Variants in ST8SIA1 observed in about 807,000 individuals in gnomAD.
The protein encoded by ST8SIA1 is ST8 alpha-N-acetyl-neuraminide alpha-2,8-sialyltransferase 1.
A neutral mutation model predicts 35.9 loss-of-function variants in ST8SIA1; 16 were observed. The observed-to-expected ratio is 0.45, with a 90% confidence interval of 0.30 to 0.68. ST8SIA1 has a LOEUF of 0.68. Among genes scored for constraint, ST8SIA1 ranks in the 30% least tolerant of loss-of-function variants. The pLI is 0.09. For missense variants in ST8SIA1, 383 were observed against 453.6 expected (o/e 0.84, Z 1.41); for synonymous variants, 170 against 169.6 (o/e 1.00, Z -0.02).
chr12:22,291,353 T>C (rs1258312679), intron 1 of ST8SIA1, among the ~76,000 whole-genome samples: 1 of 152,218 alleles, frequency 6.6e-6, no homozygotes, highest in African/African-American at 2.4e-5. Flanking sequence ...CAATGACTGA[T>C]ACTTTTGTGT....
At chr12:22,256,197 G>A (rs920508250) in intron 2 of ST8SIA1, among the ~76,000 whole-genome samples, 3 of 152,204 alleles carry the variant, frequency 2.0e-5, no homozygotes, top group Admixed American at 2.0e-4. Context: ...TCTGTCTAGA[G>A]CTTAGGACCC....
Position 22,194,906 on chromosome 12 carries a change from G to A in ST8SIA1, c.*6646C>T, listed in dbSNP as rs935847767. The stretch of plus-strand genomic sequence containing the variant: ...GCTATGAAAACAGGAGTGTGGGGCT[G>A]GGCTCGGTGGCTTATGCCTGTAATC... On this transcript the variant is annotated 3_prime_UTR_variant, in exon 5 of 5. Coordinates refer to ENST00000396037, the MANE Select transcript of ST8SIA1 (RefSeq NM_003034.4). 19 of 152,260 alleles carry A rather than the reference G, an allele frequency of 1.2e-4. No individual in the cohort carries two copies. The highest frequency in any genetic ancestry group is 2.8e-4 in the Non-Finnish European group (19 of 68,200). 9.4% of individuals were successfully genotyped at this position (152,260 alleles called of 1,614,324 possible).
At chr12:22,247,838 G>A (rs1033213649) in intron 4 of ST8SIA1, among the ~76,000 whole-genome samples, 2 of 151,972 alleles carry the variant, frequency 1.3e-5, no homozygotes, top group Admixed American at 1.3e-4. Context: ...CCATAATATA[G>A]AGTTCCTATA....
chr12:22,201,813 G>A lies in ST8SIA1; in HGVS notation c.810C>T (p.Ala270=). The A allele has an allele frequency of 6.2e-7, 1 of 1,614,138 alleles. No homozygotes were observed. Among genetic ancestry groups the A allele is most frequent in the African/African-American group, 1.3e-5 (1 of 75,058 alleles). Residue 270 remains alanine (A), a synonymous_variant, in exon 5 of 5, where the codon GCC becomes GCT. Coordinates refer to ENST00000396037, the MANE Select transcript of ST8SIA1 (RefSeq NM_003034.4). ...GKFWKSRGIH[A]KRLSTGLFLV... is the part of the protein sequence containing the mutation. ...GAAAAAGTCCTGTGGACAGGCGCTT[G>A]GCATGGATTCCTCTACTTTTCCAGA...
chr12:22,324,473 C>G (rs1290932889), intron 1 of ST8SIA1: 1 of 152,086 alleles, frequency 6.6e-6, no homozygotes, highest in East Asian at 1.9e-4. Flanking sequence ...TCTATCCTAA[C>G]AATGGAAAAT....
intron 4 of ST8SIA1, among the ~76,000 whole-genome samples, chr12:22,212,802 G>C (rs1268706339): frequency 2.0e-5 from 3 of 152,158 alleles, no homozygotes. Flanking sequence ...TAAGACTACA[G>C]TGGGGCCTCA....
chr12:22,242,522 G>T (rs567927682), intron 4 of ST8SIA1, among the ~76,000 whole-genome samples: 4 of 152,204 alleles, frequency 2.6e-5, no homozygotes, highest in African/African-American at 7.2e-5. Context: ...TTTAACCTAT[G>T]CCACAAAAAT....
chr12:22,214,667 C>CAA (rs76262549), intron 4 of ST8SIA1, among the ~76,000 whole-genome samples: 1,821 of 151,364 alleles, frequency 0.012, 24 homozygotes, highest in Middle Eastern at 0.02. Flanking sequence ...GCAAATGAAA[C>CAA]AAAAAAAACA....
chr12:22,279,097 A>G (rs1228293717), intron 2 of ST8SIA1, among the ~76,000 whole-genome samples: 2 of 152,096 alleles, frequency 1.3e-5, no homozygotes, highest in Non-Finnish European at 2.9e-5. Context: ...AATTCTACTC[A>G]TTTATCCAGC....
intron 1 of ST8SIA1, among the ~76,000 whole-genome samples, chr12:22,295,149 T>G (rs1866227880): frequency 6.6e-6 from 1 of 152,228 alleles, no homozygotes; most frequent in South Asian, 2.1e-4. Flanking sequence ...AATAATTTAC[T>G]TGGGTGAATT....
chr12:22,320,953 G>T (rs200041031), intron 1 of ST8SIA1, among the ~76,000 whole-genome samples: 2 of 80,640 alleles, frequency 2.5e-5, no homozygotes. Context: ...AAGAAAGAAA[G>T]AAAGAGAAAG....
chr12:22,275,682 T>C (rs189603811), intron 2 of ST8SIA1, among the ~76,000 whole-genome samples: 234 of 152,324 alleles, frequency 1.5e-3, no homozygotes, highest in African/African-American at 5.4e-3. Flanking sequence ...TTGAATTTTA[T>C]CATACAGGTT....
Position 22,201,706 on chromosome 12 carries a change from G to A in ST8SIA1, c.917C>T (p.Pro306Leu). The A allele has an allele frequency of 6.2e-7, 1 of 1,614,102 alleles. No homozygotes were observed. The highest frequency in any genetic ancestry group is 8.5e-7 in the Non-Finnish European group (1 of 1,179,978). ...WPFSVNMHEQ[P>L]ISHHYYDNVL... The stretch of plus-strand genomic sequence containing the variant: ...GTTGTCATAGTAGTGGTGGCTGATG[G>A]GCTGCTCATGCATATTCACAGAGAA... The change falls in exon 5 of 5, where the codon CCC (proline) becomes CTC (leucine). Residue 306 changes from proline to leucine, a missense_variant. By Grantham distance (98) the Pro-to-Leu change is moderately conservative. Coordinates refer to ENST00000396037, the MANE Select transcript of ST8SIA1 (RefSeq NM_003034.4).
intron 3 of ST8SIA1, among the ~76,000 whole-genome samples, chr12:22,254,236 T>A (rs1400513687): frequency 6.6e-6 from 1 of 152,148 alleles, no homozygotes; most frequent in Non-Finnish European, 1.5e-5. Flanking sequence ...GTTTTCTTTT[T>A]CTACAACATG....
At chr12:22,258,854 G>C (rs1865755504) in intron 2 of ST8SIA1, among the ~76,000 whole-genome samples, 2 of 152,208 alleles carry the variant, frequency 1.3e-5, no homozygotes, top group Non-Finnish European at 2.9e-5. Context: ...AAAACAAACA[G>C]ATCTTGGAAG....
Position 22,218,612 on chromosome 12 carries a change from A to AAAAT in ST8SIA1, c.585-16578_585-16575dup, listed in dbSNP as rs59486221. Among the ~76,000 whole-genome samples, 43 of 139,344 alleles carry AAAAT rather than the reference A, an allele frequency of 3.1e-4. 1 individual carries two copies. The highest frequency in any genetic ancestry group is 3.6e-3 in the Middle Eastern group (1 of 276). The allele number at this position is 139,344 out of a possible 152,430, so 91.4% of individuals were successfully genotyped here. Reference sequence around the variant, plus strand: ...CAGTCTGGGTGACAAAGCGAGACTCAAAATAAATAAATAAATAAATAAATA... The same window carrying AAAAT: ...CAGTCTGGGTGACAAAGCGAGACTCAAAATAAATAAATAAATAAATAAATAAATA... On this transcript the variant is annotated intron_variant, in intron 4 of 4. Transcript: ENST00000396037.
intron 2 of ST8SIA1, among the ~76,000 whole-genome samples, chr12:22,282,360 T>A (rs1234162418): frequency 6.6e-6 from 1 of 152,168 alleles, no homozygotes; most frequent in Non-Finnish European, 1.5e-5. Flanking sequence ...GTGAAGAAAC[T>A]GAGGCAGCCC....
chr12:22,239,820 C>T (rs1277953904), intron 4 of ST8SIA1, among the ~76,000 whole-genome samples: 2 of 152,166 alleles, frequency 1.3e-5, no homozygotes, highest in African/African-American at 4.8e-5. Context: ...TGCTACTGAC[C>T]TGGAACCACA....
chr12:22,220,608 G>A (rs760224756), intron 4 of ST8SIA1, among the ~76,000 whole-genome samples: 4 of 152,100 alleles, frequency 2.6e-5, no homozygotes, highest in South Asian at 2.1e-4. Context: ...CACTGACGGC[G>A]GAAGAAAAAC....
Sources: allele counts gnomAD v4.1 joint callset (sites outside exome capture counted in the v4.1 genomes callset), GRCh38; gene constraint gnomAD v4.1.1; transcripts MANE v1.5; gene names NCBI Gene and HGNC (gene_info 2026-07-23, HGNC 2026-07-21).